Variants in CLN6 observed in about 807,000 individuals in gnomAD.
The protein encoded by CLN6 is ceroid-lipofuscinosis neuronal protein 6.
A neutral mutation model predicts 33.3 loss-of-function variants in CLN6; 22 were observed. The ratio of observed to expected loss-of-function variants is 0.66; its 90% CI spans 0.47 to 0.94. CLN6 has a LOEUF of 0.94. Among genes scored for constraint, CLN6 ranks in the 40% least tolerant of loss-of-function variants. The pLI, the probability that CLN6 is intolerant of heterozygous loss-of-function variation, is 0.00. For synonymous variants in CLN6, 201 were observed against 174.6 expected (o/e 1.15, Z -1.19); for missense variants, 387 against 417.1 (o/e 0.93, Z 0.63).
chr15:68,253,586 A>G (rs1210667914), intron 1 of CLN6, among the ~76,000 whole-genome samples: 1 of 152,264 alleles, frequency 6.6e-6, no homozygotes. Flanking sequence ...TGATGACACT[A>G]TTGCAATATA....
At position 68,242,539 on chromosome 15, in the gene CLN6, T is replaced by A. The variant is rs894255571; in HGVS notation, c.179+14151A>T. 2.6e-5 allele frequency among the ~76,000 whole-genome samples: 4 copies of A among 151,780 alleles called. No homozygotes were observed. Among genetic ancestry groups the A allele is most frequent in the African/African-American group, 9.7e-5 (4 of 41,338 alleles). On this transcript the variant is annotated intron_variant, in intron 1 of 6. Transcript: ENST00000538696. This position sits in a 1 kb window ranked among gnomAD's most constrained non-coding sequence, Gnocchi z 5.0. ...AAATAAATAATAAGGAGACTCCATC[T>A]CAAAATAAATAAATAAATAAATAAG...
intron 1 of CLN6, among the ~76,000 whole-genome samples, chr15:68,222,331 A>G (rs1398507446): frequency 9.3e-6 from 1 of 107,126 alleles, no homozygotes; most frequent in East Asian, 3.5e-4. Flanking sequence ...CTGGCTGCCC[A>G]TCGTCTGTCT....
intron 1 of CLN6, chr15:68,255,037 A>G (rs1448797730): frequency 3.1e-6 from 2 of 637,294 alleles, no homozygotes; most frequent in African/African-American, 1.8e-5. Context: ...CACACAGAAC[A>G]CTTCACTGTG....
Position 68,219,149 on chromosome 15 carries a change from T to G in CLN6, c.84-499A>C, listed in dbSNP as rs2093228566. 6.6e-6 allele frequency among the ~76,000 whole-genome samples: 1 copy of G among 152,180 alleles called. No individual in the cohort carries two copies. The highest frequency in any genetic ancestry group is 2.4e-5 in the African/African-American group (1 of 41,446). ...ACTGAGGCCCAAGAGGCTCAATAAC[T>G]TGCTCAAGGTCACACAGCTAAGGAT... On this transcript the variant is annotated intron_variant, in intron 1 of 6. Coordinates refer to ENST00000249806, the MANE Select transcript of CLN6 (RefSeq NM_017882.3). The surrounding 1 kb of genome is among the most constrained non-coding windows in gnomAD (Gnocchi z 4.2).
chr15:68,218,439 A>C, intron 2 of CLN6, 97 bp downstream of exon 2: 1 of 880,520 alleles, frequency 1.1e-6, no homozygotes, highest in Non-Finnish European at 1.9e-6. Context: ...ACTAGGAGAT[A>C]AAGGAGAAGT....
In CLN6 at chr15:68,246,263, C is replaced by T. The variant is rs191172060; in HGVS notation, c.179+10427G>A. ...CATTTCACCCAACTGCTGCAGAATA[C>T]ACATTGTTTTCATAAACACATGTAA... On this transcript the variant is annotated intron_variant, in intron 1 of 6. Transcript: ENST00000538696. The surrounding 1 kb of genome is among the most constrained non-coding windows in gnomAD (Gnocchi z 4.5). Among the ~76,000 whole-genome samples the T allele has an allele frequency of 1.9e-4, 29 of 152,234 alleles. No individual in the cohort carries two copies. Among genetic ancestry groups the T allele is most frequent in the Non-Finnish European group, 3.7e-4 (25 of 68,024 alleles).
In CLN6 at chr15:68,209,649, C is replaced by T. The variant is rs1160988895; in HGVS notation, c.653G>A (p.Gly218Asp). The change falls in exon 6 of 7, where the codon GGC becomes GAC. Residue 218 changes from glycine to aspartate, a missense_variant. Gly to Asp is a moderately conservative substitution (Grantham distance 94). Coordinates refer to ENST00000249806, the MANE Select transcript of CLN6 (RefSeq NM_017882.3). This position sits in a 1 kb window ranked among gnomAD's most constrained non-coding sequence, Gnocchi z 4.9. ...GATGTCCACTCACCAGTAGTACAGGCCACTGGGTGCCACCAGGAGCAGGGC... is the reference window on the plus strand; with the variant it reads ...GATGTCCACTCACCAGTAGTACAGGTCACTGGGTGCCACCAGGAGCAGGGC... ...GPALLLVAPS[G>D]LYYWYLVTEG... 1 of 1,613,072 alleles carries T rather than the reference C, an allele frequency of 6.2e-7. No homozygotes were observed. Among genetic ancestry groups the T allele is most frequent in the Admixed American group, 1.7e-5 (1 of 60,026 alleles).
At chr15:68,218,933 A>C (rs769813312) in intron 1 of CLN6, among the ~76,000 whole-genome samples, 1 of 152,228 alleles carries the variant, frequency 6.6e-6, no homozygotes, top group Admixed American at 6.5e-5. Flanking sequence ...GATGGAGGAA[A>C]TCAAGAAAGG....
At position 68,247,695 on chromosome 15, in the gene CLN6, C is replaced by T. The variant is rs1892340659; in HGVS notation, c.179+8995G>A. ...AACAATCCTAAAATTCATATGGAACCACAAAAGACCCAGAATAGTGAAAGC... is the reference window on the plus strand; with the variant it reads ...AACAATCCTAAAATTCATATGGAACTACAAAAGACCCAGAATAGTGAAAGC... On this transcript the variant is annotated intron_variant, in intron 1 of 6. Coordinates refer to the CLN6 transcript ENST00000538696. This position sits in a 1 kb window ranked among gnomAD's most constrained non-coding sequence, Gnocchi z 4.2. 1.3e-5 allele frequency among the ~76,000 whole-genome samples: 2 copies of T among 152,066 alleles called. No homozygotes were observed. The highest frequency in any genetic ancestry group is 2.4e-5 in the African/African-American group (1 of 41,380).
intron 1 of CLN6, among the ~76,000 whole-genome samples, chr15:68,253,832 A>G (rs1293693262): frequency 6.6e-6 from 1 of 151,420 alleles, no homozygotes; most frequent in Non-Finnish European, 1.5e-5. Flanking sequence ...ACTAAACAAT[A>G]TCTTCTTTGG....
intron 1 of CLN6, among the ~76,000 whole-genome samples, chr15:68,248,041 A>AT (rs1892344018): frequency 6.6e-6 from 1 of 151,932 alleles, no homozygotes; most frequent in Non-Finnish European, 1.5e-5. Flanking sequence ...AAAAAAAAAA[A>AT]AAAGAACAAA....
intron 1 of CLN6, among the ~76,000 whole-genome samples, chr15:68,251,803 A>G (rs1892381685): frequency 6.6e-6 from 1 of 151,702 alleles, no homozygotes; most frequent in Non-Finnish European, 1.5e-5. Flanking sequence ...GCATATATAG[A>G]AAACCTCAAA....
rs2093199296 is a variant in CLN6, at chr15:68,209,751, G to A, written c.551C>T (p.Pro184Leu). The A allele has an allele frequency of 6.2e-7, 1 of 1,613,432 alleles. No individual in the cohort carries two copies. The highest frequency in any genetic ancestry group is 2.2e-5 in the East Asian group (1 of 44,880). Residue 184 changes from proline to leucine, a missense_variant, in exon 6 of 7, where the codon CCC becomes CTC. By Grantham distance (98) the Pro-to-Leu change is moderately conservative. Coordinates refer to ENST00000249806, the MANE Select transcript of CLN6 (RefSeq NM_017882.3). This position sits in a 1 kb window ranked among gnomAD's most constrained non-coding sequence, Gnocchi z 4.9. ...GTACATGAAGAGGATGAGGAAGAAG[G>A]GGATGTACCTGTGACAGGAAGGCCA... ...EYLGHCMWYIPFFLILFMYFS... is the reference protein window; with the variant it reads ...EYLGHCMWYILFFLILFMYFS...
In CLN6 at chr15:68,234,917, T is replaced by C. The variant is rs558136309; in HGVS notation, c.180-16267A>G. Among the ~76,000 whole-genome samples the C allele has an allele frequency of 6.6e-6, 1 of 152,230 alleles. No individual in the cohort carries two copies. Among genetic ancestry groups the C allele is most frequent in the South Asian group, 2.1e-4 (1 of 4,822 alleles). On this transcript the variant is annotated intron_variant, in intron 1 of 6. Transcript: ENST00000538696. The surrounding 1 kb of genome is among the most constrained non-coding windows in gnomAD (Gnocchi z 4.1). ...CTGTAATCCCAGCTACTCGGGAGGC[T>C]GAGGCAGGAGAATTGCTTGAACCCG...
intron 1 of CLN6, among the ~76,000 whole-genome samples, chr15:68,251,403 A>C (rs1892376938): frequency 6.6e-6 from 1 of 152,172 alleles, no homozygotes; most frequent in African/African-American, 2.4e-5. Context: ...GGTCAGGCGC[A>C]GTGGCTCACA....
rs1328056221 is a variant in CLN6 at position 68,227,032 on chromosome 15, T to G, written c.83+2470A>C. On this transcript the variant is annotated intron_variant, in intron 1 of 6. Coordinates refer to ENST00000249806, the MANE Select transcript of CLN6 (RefSeq NM_017882.3). The surrounding 1 kb of genome is among the most constrained non-coding windows in gnomAD (Gnocchi z 4.1). ...GCACTAATTATAATACTTTCTTTTC[T>G]TTTCTTTTTTTACTTTTTTTTTTTT... Among the ~76,000 whole-genome samples the G allele has an allele frequency of 6.6e-6, 1 of 151,870 alleles. No individual in the cohort carries two copies. Among genetic ancestry groups the G allele is most frequent in the Non-Finnish European group, 1.5e-5 (1 of 67,986 alleles).
chr15:68,218,459 A>G (rs898739456), intron 2 of CLN6, 77 bp downstream of exon 2: 18 of 1,031,992 alleles, frequency 1.7e-5, no homozygotes, highest in Non-Finnish European at 2.5e-5. Flanking sequence ...TGACTTGTCT[A>G]AGGTCACTCG....
chr15:68,216,231 C>T (rs562311345), intron 2 of CLN6, among the ~76,000 whole-genome samples: 15 of 152,236 alleles, frequency 9.9e-5, no homozygotes, highest in Non-Finnish European at 1.8e-4. Context: ...CTCTCTAGCA[C>T]CAGTTTGATG....
chr15:68,243,905 T>C (rs371846052), intron 1 of CLN6, among the ~76,000 whole-genome samples: 22 of 148,580 alleles, frequency 1.5e-4, no homozygotes, highest in East Asian at 8.0e-4. Flanking sequence ...CTACTAAAAA[T>C]ACAAAAAAAA....
Sources: gnomAD v4.1 joint callset for allele counts (sites outside exome capture counted in the v4.1 genomes callset) on GRCh38, gnomAD v4.1.1 for gene constraint, Gnocchi (gnomAD v3.1) non-coding constraint, MANE v1.5 for transcripts, NCBI Gene and HGNC (gene_info 2026-07-23, HGNC 2026-07-21) for gene names.